Variants in RNF150 observed in about 807,000 individuals in gnomAD.
RNF150 encodes ring finger protein 150.
A neutral mutation model predicts 39.3 loss-of-function variants in RNF150; 24 were observed. The ratio of observed to expected loss-of-function variants is 0.61; its 90% CI spans 0.44 to 0.86. The LOEUF is 0.86. RNF150 is among the 40% of genes least tolerant of loss of function. The probability of loss-of-function intolerance (pLI) is 0.00; values close to 1 mark genes in which losing one functional copy is unlikely to be tolerated. For synonymous variants in RNF150, 255 were observed against 227.3 expected, an observed-to-expected ratio of 1.12 and a Z score of -1.10; for missense variants, 502 against 587.8, an observed-to-expected ratio of 0.85 and a Z score of 1.51.
chr4:141,023,520 C>T (rs1474025481), intron 1 of RNF150, among the ~76,000 whole-genome samples: 1 of 151,612 alleles, frequency 6.6e-6, no homozygotes, highest in Non-Finnish European at 1.5e-5. Context: ...TCCCAAAGTG[C>T]TGGGATTACA....
intron 5 of RNF150, among the ~76,000 whole-genome samples, chr4:140,915,448 C>G (rs551990487): frequency 6.6e-6 from 1 of 152,254 alleles, no homozygotes; most frequent in Non-Finnish European, 1.5e-5. Flanking sequence ...GGAACAAAAT[C>G]CAAAATTCCT....
At position 140,863,719 on chromosome 4, in the gene RNF150, T is replaced by C. The variant is rs919450051; in HGVS notation, c.*4542A>G. On this transcript the variant is annotated 3_prime_UTR_variant, in exon 7 of 7. Coordinates refer to ENST00000515673, the MANE Select transcript of RNF150 (RefSeq NM_020724.2). ...AAAAGGAAAAGAAACTTAGAGAAGA[T>C]ATAAAAATGCTACTGGAAATTGCCT... 8.5e-5 allele frequency: 13 copies of C among 152,134 alleles called. No homozygotes were observed. Among genetic ancestry groups the C allele is most frequent in the African/African-American group, 2.9e-4 (12 of 41,438 alleles). 9.4% of individuals were successfully genotyped at this position (152,134 alleles called of 1,614,324 possible).
chr4:140,886,061 GGCGCCTGTAGTCCCA>G (rs2111216129), intron 6 of RNF150, among the ~76,000 whole-genome samples: 1 of 152,054 alleles, frequency 6.6e-6, no homozygotes, highest in Admixed American at 6.5e-5. Flanking sequence ...CGTGGTGGCA[GGCGCCTGTAGTCCCA>G]GCTACTCGGG....
At chr4:141,180,950 A>C (rs1305849939) in intron 1 of RNF150, among the ~76,000 whole-genome samples, 3 of 152,180 alleles carry the variant, frequency 2.0e-5, no homozygotes, top group African/African-American at 7.2e-5. Context: ...AATTTGGGAT[A>C]TTCAAGGGAA....
At chr4:141,010,610 G>C (rs991094174) in intron 1 of RNF150, among the ~76,000 whole-genome samples, 3 of 152,160 alleles carry the variant, frequency 2.0e-5, no homozygotes, top group Admixed American at 1.3e-4. Flanking sequence ...TGTTCTGCCA[G>C]CTTGTAATGG....
At chr4:140,899,122 T>A (rs567617201) in intron 6 of RNF150, among the ~76,000 whole-genome samples, 3 of 152,286 alleles carry the variant, frequency 2.0e-5, no homozygotes, top group African/African-American at 7.2e-5. Context: ...ATAGGAACAT[T>A]CAAAACATTG....
At chr4:141,098,600 A>C (rs957672469) in intron 1 of RNF150, among the ~76,000 whole-genome samples, 2 of 152,198 alleles carry the variant, frequency 1.3e-5, no homozygotes, top group Non-Finnish European at 2.9e-5. Context: ...GAATCCCATG[A>C]TCTCTAAGGT....
At chr4:141,183,270 C>G (rs994439534) in intron 1 of RNF150, among the ~76,000 whole-genome samples, 3 of 152,002 alleles carry the variant, frequency 2.0e-5, no homozygotes, top group Non-Finnish European at 4.4e-5. Context: ...GATGGTAGAC[C>G]TGTTATTGTT....
chr4:140,987,476 A>G (rs1481204784), intron 1 of RNF150, among the ~76,000 whole-genome samples: 1 of 152,100 alleles, frequency 6.6e-6, no homozygotes, highest in Non-Finnish European at 1.5e-5. Context: ...ACCTATTGCC[A>G]TCTATCTTTG....
At chr4:140,999,183 C>CA (rs1481695410) in intron 1 of RNF150, among the ~76,000 whole-genome samples, 1 of 152,178 alleles carries the variant, frequency 6.6e-6, no homozygotes, top group Non-Finnish European at 1.5e-5. Flanking sequence ...CACAAGCAGA[C>CA]AAAACTATGA....
chr4:140,993,887 C>A (rs1317981357), intron 1 of RNF150, among the ~76,000 whole-genome samples: 1 of 152,146 alleles, frequency 6.6e-6, no homozygotes, highest in Non-Finnish European at 1.5e-5. Context: ...AAGATGGTGA[C>A]ACCTACTCAT....
At chr4:141,032,033 C>CAT (rs920702566) in intron 1 of RNF150, among the ~76,000 whole-genome samples, 5 of 151,502 alleles carry the variant, frequency 3.3e-5, no homozygotes, top group East Asian at 1.9e-4. Flanking sequence ...TATATACACA[C>CAT]ATATATATAT....
At chr4:141,079,242 A>C (rs1326546107) in intron 1 of RNF150, among the ~76,000 whole-genome samples, 1 of 152,166 alleles carries the variant, frequency 6.6e-6, no homozygotes, top group Non-Finnish European at 1.5e-5. Flanking sequence ...CTGCTTCTCC[A>C]ACCCCAGTTA....
intron 1 of RNF150, among the ~76,000 whole-genome samples, chr4:141,151,463 GACACACACAC>G: frequency 1.6e-4 from 1 of 6,106 alleles, no homozygotes; most frequent in Admixed American, 2.9e-3. Flanking sequence ...CACACACACA[GACACACACAC>G]AAATTTAAGT....
chr4:141,079,362 T>C (rs536808664), intron 1 of RNF150, among the ~76,000 whole-genome samples: 1 of 152,356 alleles, frequency 6.6e-6, no homozygotes, highest in African/African-American at 2.4e-5. Flanking sequence ...ACTGCTTTTT[T>C]TCCTTTTTTA....
intron 1 of RNF150, among the ~76,000 whole-genome samples, chr4:140,992,748 C>G (rs899627018): frequency 6.6e-6 from 1 of 152,154 alleles, no homozygotes; most frequent in Non-Finnish European, 1.5e-5. Context: ...TTCTCCTCCC[C>G]CTTTCATGCT....
At chr4:140,885,365 T>A (rs957651031) in intron 6 of RNF150, among the ~76,000 whole-genome samples, 2 of 143,804 alleles carry the variant, frequency 1.4e-5, no homozygotes, top group Non-Finnish European at 3.0e-5. Context: ...CACACCCAGC[T>A]AATTTATATA....
chr4:141,171,759 T>A (rs1727729745), intron 1 of RNF150, among the ~76,000 whole-genome samples: 2 of 152,154 alleles, frequency 1.3e-5, no homozygotes, highest in South Asian at 4.1e-4. Context: ...CTAGTTGACA[T>A]AGGTTTTATT....
intron 1 of RNF150, among the ~76,000 whole-genome samples, chr4:141,142,872 C>A (rs1432256091): frequency 6.6e-6 from 1 of 150,650 alleles, no homozygotes; most frequent in Admixed American, 6.6e-5. Flanking sequence ...TCTCTTTTTT[C>A]TCTTTTTTTT....
Sources: gnomAD v4.1 joint callset for allele counts (sites outside exome capture counted in the v4.1 genomes callset) on GRCh38, gnomAD v4.1.1 for gene constraint, MANE v1.5 for transcripts, NCBI Gene and HGNC (gene_info 2026-07-23, HGNC 2026-07-21) for gene names.